TATDN3: variants seen among roughly 807,000 people sequenced by gnomAD.
TATDN3 encodes TatD DNase domain containing 3, also known as deoxyribonuclease TATDN3.
Under a neutral mutation model 40.1 loss-of-function variants are expected in TATDN3, and 29 were observed. The ratio of observed to expected loss-of-function variants is 0.72; its 90% CI spans 0.54 to 0.99. The LOEUF is 0.99. Ranked by LOEUF, TATDN3 falls within the 50% of genes least tolerant of loss-of-function variation. The pLI is 0.00. For missense variants in TATDN3, 309 were observed against 321.9 expected (o/e 0.96, Z 0.31); for synonymous variants, 105 against 117.0 (o/e 0.90, Z 0.66).
rs771482771 is a variant in TATDN3, at chr1:212,796,575, T to G, written c.158T>G (p.Met53Arg). Residue 53 changes from methionine (M) to arginine (R), a missense_variant, in exon 3 of 10, where the codon ATG becomes AGG. Coordinates refer to ENST00000366974, the MANE Select transcript of TATDN3 (RefSeq NM_001042552.3). ...AEHSGEFEKI[M>R]QLSERYNGFV... ...CATTCAGGAGAATTTGAAAAGATTA[T>G]GCAACTTTCAGAAAGGTGCTACTTT... is the stretch of plus-strand genomic sequence containing the variant. The G allele has an allele frequency of 1.3e-6, 2 of 1,579,966 alleles. No individual in the cohort carries two copies. The highest frequency in any genetic ancestry group is 1.7e-6 in the Non-Finnish European group (2 of 1,165,514).
At chr1:212,800,909 A>G (rs1270836876) in intron 4 of TATDN3, among the ~76,000 whole-genome samples, 2 of 149,598 alleles carry the variant, frequency 1.3e-5, no homozygotes, top group African/African-American at 4.9e-5. Flanking sequence ...TTTTTTTTAC[A>G]AAAACCGTAA....
intron 7 of TATDN3, 51 bp from the exon 8 acceptor site, chr1:212,807,685 T>G (rs778883546): frequency 7.2e-7 from 1 of 1,387,910 alleles, no homozygotes; most frequent in East Asian, 2.4e-5. Context: ...TTATTTAATT[T>G]GATTGATGGG....
At chr1:212,805,075 C>T (rs1395379287) in intron 7 of TATDN3, among the ~76,000 whole-genome samples, 2 of 151,874 alleles carry the variant, frequency 1.3e-5, no homozygotes. Context: ...AATTATCCTG[C>T]CTCAGCCTCC....
chr1:212,803,853 T>G (rs1662305803), intron 5 of TATDN3, among the ~76,000 whole-genome samples: 2 of 151,886 alleles, frequency 1.3e-5, no homozygotes, highest in African/African-American at 4.8e-5. Context: ...CTGACCAACA[T>G]GGTAAAACCT....
At chr1:212,809,661 G>T (rs1277188834) in intron 8 of TATDN3, among the ~76,000 whole-genome samples, 1 of 151,670 alleles carries the variant, frequency 6.6e-6, no homozygotes, top group African/African-American at 2.4e-5. Flanking sequence ...CTCCAGCCTG[G>T]GTGACAGAGC....
At chr1:212,806,550 T>C (rs560882632) in intron 7 of TATDN3, among the ~76,000 whole-genome samples, 39 of 150,698 alleles carry the variant, frequency 2.6e-4, no homozygotes, top group African/African-American at 9.5e-4. Flanking sequence ...CTTTTGTGTG[T>C]ATTTTTCGTA....
At chr1:212,805,258 C>T (rs115672407) in intron 7 of TATDN3, among the ~76,000 whole-genome samples, 2 of 140,138 alleles carry the variant, frequency 1.4e-5, no homozygotes, top group Non-Finnish European at 3.1e-5. Context: ...ACCGTGCCCA[C>T]CCTATTTTAT....
chr1:212,801,415 A>T (rs925272929), intron 4 of TATDN3, among the ~76,000 whole-genome samples: 1 of 152,208 alleles, frequency 6.6e-6, no homozygotes. Flanking sequence ...ATTAATTTCT[A>T]CTTATCATTC....
In TATDN3 at chr1:212,806,930, A is replaced by T. The variant is rs114845329; in HGVS notation, c.488-806A>T. On this transcript the variant is annotated intron_variant, in intron 7 of 9. Transcript: ENST00000366974. Reference sequence around the variant, plus strand: ...TATATACACATATATACATATATATATATTTATTTATTTTATTTATTTATT... The same window carrying T: ...TATATACACATATATACATATATATTTATTTATTTATTTTATTTATTTATT... Among the ~76,000 whole-genome samples, 1,214 of 138,578 alleles carry T rather than the reference A, an allele frequency of 8.8e-3. 43 individuals are homozygous for T. Among genetic ancestry groups the T allele is most frequent in the South Asian group, 0.012 (51 of 4,406 alleles). The allele number at this position is 138,578 out of a possible 152,430, so 90.9% of individuals were successfully genotyped here.
At chr1:212,810,613 G>C (rs1662819429) in intron 8 of TATDN3, among the ~76,000 whole-genome samples, 1 of 151,656 alleles carries the variant, frequency 6.6e-6, no homozygotes. Flanking sequence ...CTTCAGCCCA[G>C]GAGATGGAGG....
chr1:212,816,142 G>C lies in TATDN3; in HGVS notation c.*986G>C, dbSNP rs971023786. On this transcript the variant is annotated 3_prime_UTR_variant, in exon 10 of 10. Coordinates refer to ENST00000366974, the MANE Select transcript of TATDN3 (RefSeq NM_001042552.3). Reference sequence around the variant, plus strand: ...AAATGGCATTATTAAAAATGTATCTGATTTCTCTGTGAACAGTAATATTTC... The same window carrying C: ...AAATGGCATTATTAAAAATGTATCTCATTTCTCTGTGAACAGTAATATTTC... 6.6e-5 allele frequency: 10 copies of C among 152,116 alleles called. No individual in the cohort carries two copies. The highest frequency in any genetic ancestry group is 2.4e-4 in the African/African-American group (10 of 41,420). The allele number at this position is 152,116 out of a possible 1,614,324, so 9.4% of individuals were successfully genotyped here.
chr1:212,806,847 C>T (rs372251826), intron 7 of TATDN3, among the ~76,000 whole-genome samples: 3 of 78,200 alleles, frequency 3.8e-5, no homozygotes, highest in Non-Finnish European at 2.4e-5. Flanking sequence ...CATATATACA[C>T]ATATATACAT....
At chr1:212,806,368 C>CTTTTTT (rs771628190) in intron 7 of TATDN3, among the ~76,000 whole-genome samples, 2 of 132,510 alleles carry the variant, frequency 1.5e-5, no homozygotes, top group African/African-American at 2.9e-5. Flanking sequence ...TTCTCTCTCT[C>CTTTTTT]TTTTTTTTTT....
At chr1:212,806,904 G>GTATATACACATATATACATATA in intron 7 of TATDN3, among the ~76,000 whole-genome samples, 1 of 92,358 alleles carries the variant, frequency 1.1e-5, no homozygotes, top group Non-Finnish European at 2.2e-5. Context: ...ATATACATAT[G>GTATATACACATATATACATATA]TATATACACA....
chr1:212,811,715 T>G, intron 8 of TATDN3, among the ~76,000 whole-genome samples: 1 of 151,708 alleles, frequency 6.6e-6, no homozygotes, highest in South Asian at 2.1e-4. Flanking sequence ...TTATTATTTT[T>G]TTTTTGAGAT....
chr1:212,806,855 CATATGTATAT>C (rs1662555420), intron 7 of TATDN3, among the ~76,000 whole-genome samples: 1 of 82,932 alleles, frequency 1.2e-5, no homozygotes, highest in Non-Finnish European at 2.3e-5. Flanking sequence ...CACATATATA[CATATGTATAT>C]ACACATATAT....
chr1:212,810,735 T>C (rs879573662), intron 8 of TATDN3, among the ~76,000 whole-genome samples: 36 of 152,136 alleles, frequency 2.4e-4, no homozygotes, highest in Middle Eastern at 3.4e-3. Context: ...TTTGAGTGCC[T>C]TAAAGTGGAT....
At chr1:212,814,911 C>T (rs1306148039) in intron 9 of TATDN3, 102 bp from the exon 10 acceptor site, 6 of 1,298,288 alleles carry the variant, frequency 4.6e-6, no homozygotes, top group Non-Finnish European at 6.3e-6. Context: ...AAAAGGAGCC[C>T]ATCAGTTGTT....
chr1:212,815,070 G>A lies in TATDN3; in HGVS notation c.739G>A (p.Gly247Arg). Residue 247 changes from glycine (G) to arginine (R), a missense_variant, in exon 10 of 10, where the codon GGG (glycine) becomes AGG (arginine). Coordinates refer to ENST00000366974, the MANE Select transcript of TATDN3 (RefSeq NM_001042552.3). ...ISAEYIAQVKGISVEEVIEVT... is the reference protein window; with the variant it reads ...ISAEYIAQVKRISVEEVIEVT... ...AGCAGAATATATTGCCCAGGTGAAA[G>A]GGATCTCAGTGGAAGAAGTTATAGA... is the stretch of plus-strand genomic sequence containing the variant. The A allele has an allele frequency of 6.2e-7, 1 of 1,614,106 alleles. No individual in the cohort carries two copies.
Sources: gnomAD v4.1 joint callset for allele counts (sites outside exome capture counted in the v4.1 genomes callset) on GRCh38, gnomAD v4.1.1 for gene constraint, MANE v1.5 for transcripts, NCBI Gene and HGNC (gene_info 2026-07-23, HGNC 2026-07-21) for gene names.